TBCEL: variants seen among roughly 807,000 people sequenced by gnomAD.
The protein encoded by TBCEL is tubulin-specific chaperone cofactor E-like protein.
Under a neutral mutation model 44.2 loss-of-function variants are expected in TBCEL, and 15 were observed. The ratio of observed to expected loss-of-function variants is 0.34; its 90% CI spans 0.23 to 0.52. The LOEUF (loss-of-function observed/expected upper bound fraction) is 0.52, where lower values mean the gene tolerates loss of function less well. TBCEL is among the 20% of genes least tolerant of loss of function. The pLI, the probability that TBCEL is intolerant of heterozygous loss-of-function variation, is 0.95. For missense variants in TBCEL, 319 were observed against 506.3 expected (o/e 0.63, Z 3.55); for synonymous variants, 171 against 185.4 (o/e 0.92, Z 0.63).
At chr11:121,060,340 C>G (rs1218832159) in intron 8 of TBCEL, among the ~76,000 whole-genome samples, 1 of 151,902 alleles carries the variant, frequency 6.6e-6, no homozygotes, top group Non-Finnish European at 1.5e-5. Flanking sequence ...TCCAGTAGTT[C>G]CTGCTGCATA....
intron 8 of TBCEL, among the ~76,000 whole-genome samples, chr11:121,072,182 T>C (rs1390689904): frequency 2.5e-4 from 38 of 152,292 alleles, no homozygotes; most frequent in Non-Finnish European, 1.5e-5. Flanking sequence ...ACCTTCCTAA[T>C]CTTGATTGGA....
Position 121,058,428 on chromosome 11 carries a change from C to T in TBCEL, c.796C>T (p.Gln266Ter). 6.2e-7 allele frequency: 1 copy of T among 1,611,988 alleles called. No individual in the cohort carries two copies. Among genetic ancestry groups the T allele is most frequent in the Non-Finnish European group, 8.5e-7 (1 of 1,178,430 alleles). The change falls in exon 7 of 9, where the codon CAG becomes TAG. Residue 266 changes from glutamine to a stop codon, truncating the protein, a stop_gained. Transcript: ENST00000683345. LOFTEE classifies it high-confidence loss of function. The stretch of plus-strand genomic sequence containing the variant: ...GAGATTGTTAGGAATTCCTCTTCTG[C>T]AGCCATATACCACCGAGGAGCGAAG... Reference protein sequence around the residue: ...EVRLLGIPLLQPYTTEERRKL... With the variant: ...EVRLLGIPLL
intron 5 of TBCEL, among the ~76,000 whole-genome samples, chr11:121,054,180 TA>T (rs1697524629): frequency 1.3e-5 from 2 of 151,968 alleles, no homozygotes; most frequent in South Asian, 4.1e-4. Flanking sequence ...AAAGAAATTT[TA>T]TTTTTGTCAA....
At chr11:121,057,528 A>G (rs1945643045) in intron 6 of TBCEL, 4 of 436,494 alleles carry the variant, frequency 9.2e-6, no homozygotes, top group South Asian at 6.8e-5. Context: ...CCTGTCACCA[A>G]ATTGATAATA....
Position 121,085,757 on chromosome 11 carries a change from G to T in TBCEL, c.957-1021G>T, listed in dbSNP as rs566709694. ...CTGGGCTCAAGTGATTCTTCCCCTT[G>T]GGCTTCCCAAGGTGCTAGGATTCTA... On this transcript the variant is annotated intron_variant, in intron 8 of 8. Coordinates refer to ENST00000683345, the MANE Select transcript of TBCEL (RefSeq NM_001363644.2). 9.9e-5 allele frequency among the ~76,000 whole-genome samples: 15 copies of T among 151,758 alleles called. No homozygotes were observed. The South Asian group carries it at 2.9e-3, about 30-fold the overall frequency.
rs1235033582 is a variant in TBCEL, at chr11:121,087,753, ACT to A, written c.*660_*661del. 6.6e-6 allele frequency: 1 copy of A among 152,134 alleles called. No individual in the cohort carries two copies. Among genetic ancestry groups the A allele is most frequent in the Non-Finnish European group, 1.5e-5 (1 of 68,072 alleles). 9.4% of individuals were successfully genotyped at this position (152,134 alleles called of 1,614,324 possible). ...CTCAGGTACGCAGTAAGAAGCTATA[ACT>A]CTGTTAGAACCTCGAAGAGTAGATG... On this transcript the variant is annotated 3_prime_UTR_variant, in exon 9 of 9. Coordinates refer to ENST00000683345, the MANE Select transcript of TBCEL (RefSeq NM_001363644.2).
At chr11:121,054,503 T>C (rs376714656) in intron 5 of TBCEL, among the ~76,000 whole-genome samples, 1 of 151,938 alleles carries the variant, frequency 6.6e-6, no homozygotes, top group South Asian at 2.1e-4. Context: ...TTGAGCTCAG[T>C]TTCCTTGTCT....
At chr11:121,029,636 A>T (rs1230827869) in intron 1 of TBCEL, among the ~76,000 whole-genome samples, 1 of 152,224 alleles carries the variant, frequency 6.6e-6, no homozygotes, top group Non-Finnish European at 1.5e-5. Context: ...CATTTCCCAA[A>T]TTCAGGATCT....
chr11:121,069,082 C>G (rs1945876502), intron 8 of TBCEL, among the ~76,000 whole-genome samples: 1 of 152,154 alleles, frequency 6.6e-6, no homozygotes, highest in South Asian at 2.1e-4. Context: ...TAGCACACCT[C>G]TGTCTCCTAT....
At chr11:121,086,736 G>C (rs1946224020) in intron 8 of TBCEL, 42 bp from the exon 9 acceptor site, 2 of 1,457,812 alleles carry the variant, frequency 1.4e-6, no homozygotes, top group African/African-American at 1.4e-5. Context: ...CAGTACATGT[G>C]CTAGTAGTTT....
At chr11:121,048,063 A>G (rs1377167224) in intron 4 of TBCEL, among the ~76,000 whole-genome samples, 2 of 151,626 alleles carry the variant, frequency 1.3e-5, no homozygotes, top group East Asian at 1.9e-4. Context: ...GTTTTCATCA[A>G]TCACTAAGGA....
intron 2 of TBCEL, among the ~76,000 whole-genome samples, chr11:121,041,259 G>A (rs531900128): frequency 2.6e-5 from 4 of 152,120 alleles, no homozygotes; most frequent in Admixed American, 6.5e-5. Context: ...AATTGTTTGC[G>A]TACTTAACCT....
At chr11:121,052,321 C>T in intron 4 of TBCEL, among the ~76,000 whole-genome samples, 1 of 151,220 alleles carries the variant, frequency 6.6e-6, no homozygotes, top group East Asian at 1.9e-4. Flanking sequence ...AAAAATGTGT[C>T]ACTTGCTATG....
In TBCEL at chr11:121,089,819, A is replaced by G. The variant is rs1010454188; in HGVS notation, c.*2723A>G. ...GTATTACTGATATGTTGCTACAGAC[A>G]CAATGTATAGAACATACCTTTTCTA... On this transcript the variant is annotated 3_prime_UTR_variant, in exon 9 of 9. Coordinates refer to ENST00000683345, the MANE Select transcript of TBCEL (RefSeq NM_001363644.2). The G allele has an allele frequency of 1.3e-5, 2 of 152,224 alleles. No individual in the cohort carries two copies. The highest frequency in any genetic ancestry group is 4.8e-5 in the African/African-American group (2 of 41,466). The allele number at this position is 152,224 out of a possible 1,614,324, so 9.4% of individuals were successfully genotyped here. A position where few individuals can be genotyped will look rare whatever the true frequency, so the allele number is the denominator to read the frequency against.
At chr11:121,031,280 G>A (rs564878864) in intron 1 of TBCEL, among the ~76,000 whole-genome samples, 8 of 152,278 alleles carry the variant, frequency 5.3e-5, no homozygotes, top group Admixed American at 2.0e-4. Flanking sequence ...TTTCCAAGGT[G>A]TTTGTACCAG....
intron 1 of TBCEL, among the ~76,000 whole-genome samples, chr11:121,027,949 G>A (rs1325266395): frequency 6.6e-6 from 1 of 152,152 alleles, no homozygotes; most frequent in Non-Finnish European, 1.5e-5. Context: ...GCTCACACCT[G>A]TAATCCCAGC....
chr11:121,046,187 A>G lies in TBCEL; in HGVS notation c.133+364A>G, dbSNP rs1945427450. 3.3e-5 allele frequency among the ~76,000 whole-genome samples: 5 copies of G among 152,156 alleles called. No homozygotes were observed. In the South Asian group the frequency reaches 1.0e-3, roughly 32 times the overall value. On this transcript the variant is annotated intron_variant, in intron 3 of 8. Coordinates refer to ENST00000683345, the MANE Select transcript of TBCEL (RefSeq NM_001363644.2). The stretch of plus-strand genomic sequence containing the variant: ...ACATTTACAAAGGTAAATAAACACA[A>G]GACAATTTATGTTGAGCCAAATGAA...
chr11:121,066,493 T>G (rs1309146776), intron 8 of TBCEL, among the ~76,000 whole-genome samples: 1 of 152,222 alleles, frequency 6.6e-6, no homozygotes, highest in Non-Finnish European at 1.5e-5. Flanking sequence ...CAGCCAAAGT[T>G]GGCATATATC....
intron 8 of TBCEL, among the ~76,000 whole-genome samples, chr11:121,078,029 A>C (rs891663982): frequency 2.0e-4 from 31 of 151,924 alleles, no homozygotes; most frequent in South Asian, 1.9e-3. Flanking sequence ...TATTTGAGGT[A>C]CCTTTCTGGT....
Sources: allele counts gnomAD v4.1 joint callset (sites outside exome capture counted in the v4.1 genomes callset), GRCh38; gene constraint gnomAD v4.1.1; transcripts MANE v1.5; gene names NCBI Gene and HGNC (gene_info 2026-07-23, HGNC 2026-07-21).